Variants in TNC observed in about 807,000 individuals in gnomAD.
The protein encoded by TNC is tenascin.
TNC carries 109 observed loss-of-function variants against 202.4 expected under a neutral mutation model. The ratio of observed to expected loss-of-function variants is 0.54; its 90% CI spans 0.46 to 0.63. The LOEUF is 0.63. Ranked by LOEUF, TNC falls within the 30% of genes least tolerant of loss-of-function variation. The probability of loss-of-function intolerance (pLI) is 0.00; values close to 1 mark genes in which losing one functional copy is unlikely to be tolerated. For synonymous variants in TNC, 1,007 were observed against 1,089.7 expected (o/e 0.92, Z 1.50); for missense variants, 2,756 against 2,833.3 (o/e 0.97, Z 0.62).
At chr9:115,058,779 T>C (rs780468330) in intron 14 of TNC, among the ~76,000 whole-genome samples, 3 of 152,222 alleles carry the variant, frequency 2.0e-5, no homozygotes, top group Non-Finnish European at 4.4e-5. Context: ...CGATAGTCTC[T>C]ACCGAGCTTC....
chr9:115,077,898 C>T, intron 7 of TNC, 45 bp downstream of exon 7: 1 of 1,566,894 alleles, frequency 6.4e-7, no homozygotes, highest in Non-Finnish European at 8.7e-7. Flanking sequence ...GGAAATCTTT[C>T]AATCTTTCCT....
chr9:115,105,886 G>A (rs752771390), intron 1 of TNC, among the ~76,000 whole-genome samples: 174 of 152,250 alleles, frequency 1.1e-3, no homozygotes, highest in Non-Finnish European at 1.3e-3. Flanking sequence ...GTTCATGCTC[G>A]TTGGAAATCT....
At chr9:115,027,648 T>G (rs916104629) in intron 25 of TNC, among the ~76,000 whole-genome samples, 1 of 152,004 alleles carries the variant, frequency 6.6e-6, no homozygotes, top group South Asian at 2.1e-4. Context: ...TGAAGGGCAA[T>G]GAATAATATA....
At chr9:115,060,072 C>T (rs1186249263) in intron 13 of TNC, 70 bp from the exon 14 acceptor site, 22 of 1,444,952 alleles carry the variant, frequency 1.5e-5, no homozygotes, top group Non-Finnish European at 2.0e-5. Flanking sequence ...ATCCCACAGC[C>T]CAACTCTAGG....
At chr9:115,099,123 C>T (rs1339343979) in intron 1 of TNC, among the ~76,000 whole-genome samples, 3 of 152,076 alleles carry the variant, frequency 2.0e-5, no homozygotes, top group African/African-American at 7.2e-5. Flanking sequence ...AGTGGCTTAG[C>T]TGGTGCCCAG....
chr9:115,084,497 T>A, intron 3 of TNC, 25 bp from the exon 4 acceptor site: 1 of 1,609,760 alleles, frequency 6.2e-7, no homozygotes, highest in Non-Finnish European at 8.5e-7. Context: ...AAAGGACATC[T>A]GGTGTCAACA....
Position 115,051,492 on chromosome 9 carries a change from G to T in TNC, c.4580-2960C>A, listed in dbSNP as rs931895905. ...GGGATAAGGAGGATTAGTGGAGAAG[G>T]TTCAGCGTCTCTTTTCTAGGTGATT... is the stretch of plus-strand genomic sequence containing the variant. On this transcript the variant is annotated intron_variant, in intron 15 of 27. Transcript: ENST00000350763. Among the ~76,000 whole-genome samples, 4 of 151,090 alleles carry T rather than the reference G, an allele frequency of 2.6e-5. No homozygotes were observed. In the South Asian group the frequency reaches 6.3e-4, roughly 24 times the overall value.
intron 1 of TNC, among the ~76,000 whole-genome samples, chr9:115,110,483 CA>C (rs1343959581): frequency 6.6e-6 from 1 of 151,746 alleles, no homozygotes; most frequent in Admixed American, 6.6e-5. Context: ...ATCTGAACTA[CA>C]GGGGTAATGG....
intron 17 of TNC, among the ~76,000 whole-genome samples, chr9:115,045,162 C>A (rs1831079064): frequency 6.6e-6 from 1 of 152,136 alleles, no homozygotes; most frequent in African/African-American, 2.4e-5. Flanking sequence ...TCTCTCAGGT[C>A]CCTTTTATCT....
At chr9:115,108,124 A>G (rs1210955726) in intron 1 of TNC, among the ~76,000 whole-genome samples, 1 of 152,132 alleles carries the variant, frequency 6.6e-6, no homozygotes, top group Non-Finnish European at 1.5e-5. Flanking sequence ...CTCTACCTCT[A>G]GAGCTAGGTT....
At chr9:115,028,874 C>T (rs117214078) in intron 25 of TNC, among the ~76,000 whole-genome samples, 2,202 of 133,762 alleles carry the variant, frequency 0.016, 105 homozygotes, top group East Asian at 0.11. Context: ...GACCATATCC[C>T]TCCAGCCCAC....
At chr9:115,113,257 G>GA (rs532699557) in intron 1 of TNC, among the ~76,000 whole-genome samples, 590 of 152,274 alleles carry the variant, frequency 3.9e-3, no homozygotes, top group Non-Finnish European at 7.0e-3. Context: ...CTTCCTTACT[G>GA]AAATGGTTAT....
chr9:115,079,619 C>A (rs1447666278), intron 6 of TNC, among the ~76,000 whole-genome samples: 1 of 152,136 alleles, frequency 6.6e-6, no homozygotes, highest in East Asian at 1.9e-4. Flanking sequence ...TTATCAGGTG[C>A]AAAGATGGTG....
At chr9:115,027,416 C>G (rs916133766) in intron 25 of TNC, among the ~76,000 whole-genome samples, 2 of 151,940 alleles carry the variant, frequency 1.3e-5, no homozygotes, top group South Asian at 4.1e-4. Context: ...ATGGTGAAAC[C>G]CTGTCTCTAC....
chr9:115,062,965 C>T lies in TNC; in HGVS notation c.3985G>A (p.Glu1329Lys), dbSNP rs1243778851. 10 of 1,613,892 alleles carry T rather than the reference C, an allele frequency of 6.2e-6. No homozygotes were observed. Among genetic ancestry groups the T allele is most frequent in the Middle Eastern group, 3.3e-4 (2 of 6,078 alleles). Residue 1329 changes from glutamate (E) to lysine (K), a missense_variant, in exon 13 of 28, where the codon GAG (glutamate) becomes AAG (lysine). By Grantham distance (56) the Glu-to-Lys change is moderately conservative. Transcript: ENST00000350763. ...GGTCGAGTGCTGTGGCCCCTGACCT[C>T]GCCGTGCAGGGTGACTGTGTAAGGA... ...GTPYTVTLHG[E>K]VRGHSTRPLA...
chr9:115,028,836 A>G (rs1223560846), intron 25 of TNC, among the ~76,000 whole-genome samples: 2 of 140,606 alleles, frequency 1.4e-5, no homozygotes, highest in African/African-American at 2.7e-5. Context: ...TCTTTTTTTT[A>G]TCTTGCAACA....
chr9:115,028,924 GAAAAAAAAAAAAAAAAAAAAA>G (rs57737243), intron 25 of TNC, among the ~76,000 whole-genome samples: 22,844 of 64,244 alleles, frequency 0.36, 2,388 homozygotes, highest in Middle Eastern at 0.53. Context: ...CATTATCTCT[GAAAAAAAAAAAAAAAAAAAAA>G]AAAAAAAAAA....
At chr9:115,082,012 A>G (rs1834343526) in intron 5 of TNC, 84 bp from the exon 6 acceptor site, 1 of 1,322,818 alleles carries the variant, frequency 7.6e-7, no homozygotes, top group Admixed American at 2.5e-5. Flanking sequence ...GCATTCATTC[A>G]TTCCTCTGTT....
chr9:115,046,773 T>C (rs1831235192), intron 16 of TNC, 91 bp from the exon 17 acceptor site: 18 of 1,439,570 alleles, frequency 1.3e-5, no homozygotes, highest in Non-Finnish European at 1.7e-5. Flanking sequence ...TATCAATATG[T>C]AGTGATGCCC....
Sources: allele counts gnomAD v4.1 joint callset (sites outside exome capture counted in the v4.1 genomes callset), GRCh38; gene constraint gnomAD v4.1.1; transcripts MANE v1.5; gene names NCBI Gene and HGNC (gene_info 2026-07-23, HGNC 2026-07-21).